The following CDH23 variants were observed in gnomAD, a reference collection of about 807,000 sequenced individuals.
CDH23 encodes cadherin-23.
In CDH23, 189 loss-of-function variants were observed where a neutral mutation model predicts 317.1. The ratio of observed to expected loss-of-function variants is 0.60; its 90% confidence interval spans 0.53 to 0.67. The LOEUF is 0.67. Among genes scored for constraint, CDH23 ranks in the 30% least tolerant of loss-of-function variants. The pLI is 0.00. For synonymous variants in CDH23, 1,839 were observed against 1,876.8 expected, an observed-to-expected ratio of 0.98 and a Z score of 0.52; for missense variants, 4,401 against 4,592.4, an observed-to-expected ratio of 0.96 and a Z score of 1.20.
At chr10:71,590,869 T>C (rs1250801340) in intron 9 of CDH23, among the ~76,000 whole-genome samples, 3 of 102,100 alleles carry the variant, frequency 2.9e-5, no homozygotes, top group Non-Finnish European at 5.7e-5. Context: ...TGAGACCCTG[T>C]CTCTAAAAAA....
chr10:71,613,367 G>A (rs1861015678), intron 9 of CDH23, among the ~76,000 whole-genome samples: 1 of 152,216 alleles, frequency 6.6e-6, no homozygotes, highest in African/African-American at 2.4e-5. Context: ...CCATGGCTGG[G>A]AAAGGAAGCC....
intron 8 of CDH23, among the ~76,000 whole-genome samples, chr10:71,574,720 C>G (rs943665805): frequency 2.6e-5 from 4 of 152,154 alleles, no homozygotes; most frequent in Non-Finnish European, 2.9e-5. Context: ...ACAAGGGCAT[C>G]TTTGGAAGGG....
intron 50 of CDH23, among the ~76,000 whole-genome samples, 183 bp from the exon 51 acceptor site, chr10:71,798,928 A>G (rs888244780): frequency 2.0e-5 from 3 of 152,090 alleles, no homozygotes; most frequent in Non-Finnish European, 2.9e-5. Flanking sequence ...TTCACCCTCC[A>G]TAAGAAAAAC....
chr10:71,777,708 T>C lies in CDH23; in HGVS notation c.4874T>C (p.Val1625Ala), dbSNP rs1564788667. Reference protein sequence around the residue: ...SATTHVYVTIVDENDNAPMFQ... With the variant: ...SATTHVYVTIADENDNAPMFQ... ...ACCACGCACGTGTACGTGACCATTG[T>C]GGATGAGAATGATAACGCGCCCATG... The change falls in exon 39 of 70, where the codon GTG becomes GCG. Residue 1625 changes from valine to alanine, a missense_variant. Physicochemically the swap from Val to Ala is moderately conservative, Grantham distance 64. Transcript: ENST00000224721. The C allele has an allele frequency of 3.7e-6, 6 of 1,613,080 alleles. No homozygotes were observed. The highest frequency in any genetic ancestry group is 5.1e-6 in the Non-Finnish European group (6 of 1,179,536).
At chr10:71,409,978 C>G (rs1384425730) in intron 1 of CDH23, among the ~76,000 whole-genome samples, 2 of 152,206 alleles carry the variant, frequency 1.3e-5, no homozygotes, top group Non-Finnish European at 2.9e-5. Context: ...GGCCCAAACC[C>G]TAAATGAGAG....
At chr10:71,524,535 T>C (rs1436785533) in intron 6 of CDH23, among the ~76,000 whole-genome samples, 2 of 152,156 alleles carry the variant, frequency 1.3e-5, no homozygotes, top group Admixed American at 1.3e-4. Context: ...CGTCATCTAA[T>C]GGGGCTGGAG....
chr10:71,800,646 A>G lies in CDH23; in HGVS notation c.7373A>G (p.Tyr2458Cys), dbSNP rs1429606807. 6.2e-7 allele frequency: 1 copy of G among 1,613,808 alleles called. No individual in the cohort carries two copies. The highest frequency in any genetic ancestry group is 2.2e-5 in the East Asian group (1 of 44,884). ...CCCTCCCCCTACTAGGGTGACATCT[A>G]TGTGCTGTCTTCTCTGGACCGGGAG... ...FAINPTTGDI[Y>C]VLSSLDREKK... The change falls in exon 53 of 70, where the codon TAT (tyrosine) becomes TGT (cysteine). Residue 2458 changes from tyrosine to cysteine, a missense_variant. Transcript: ENST00000224721.
intron 1 of CDH23, among the ~76,000 whole-genome samples, chr10:71,438,838 G>A (rs1350124231): frequency 6.6e-6 from 1 of 152,188 alleles, no homozygotes; most frequent in Non-Finnish European, 1.5e-5. Flanking sequence ...CACGCCCCAG[G>A]CCAGATGCAC....
intron 3 of CDH23, among the ~76,000 whole-genome samples, chr10:71,453,831 G>A (rs550829487): frequency 2.8e-4 from 43 of 152,368 alleles, no homozygotes; most frequent in Admixed American, 5.2e-4. Context: ...GAGGAGTCCA[G>A]TGGCTCCCGG....
Position 71,645,985 on chromosome 10 carries a change from G to C in CDH23, c.1290+5G>C, listed in dbSNP as rs1281025221. ...GTGGACCGCTACGACTTTGATGTAA[G>C]GCCCCACTCACTGGCATTTTGGAGT... On this transcript the variant is annotated splice_donor_5th_base_variant and intron_variant, in intron 13 of 69. Coordinates refer to ENST00000224721, the MANE Select transcript of CDH23 (RefSeq NM_022124.6). 1 of 1,608,924 alleles carries C rather than the reference G, an allele frequency of 6.2e-7. No individual in the cohort carries two copies. The highest frequency in any genetic ancestry group is 8.5e-7 in the Non-Finnish European group (1 of 1,178,288).
chr10:71,400,348 TC>T (rs1376370216), intron 1 of CDH23, among the ~76,000 whole-genome samples: 1 of 151,592 alleles, frequency 6.6e-6, no homozygotes, highest in Non-Finnish European at 1.5e-5. Context: ...AAAGAGGCAG[TC>T]CTTCCCCTAA....
rs2054935741 is a variant in CDH23, at chr10:71,707,032, T to G, written c.3089T>G (p.Leu1030Arg). ...TDNDVGLNAE[L>R]SYFITGGNVD... is the part of the protein sequence containing the mutation. ...AACGACGTGGGCCTCAATGCAGAGC[T>G]CAGCTACTTCATCACAGGTGCTGCC... The change falls in exon 26 of 70, where the codon CTC (leucine) becomes CGC (arginine). Residue 1030 changes from leucine to arginine, a missense_variant. Leu to Arg is a moderately radical substitution (Grantham distance 102, BLOSUM62 -2). This residue lies in a region of CDH23 where 3,068 missense variants were observed against 3,203.3 expected (regional missense o/e 0.96). Coordinates refer to ENST00000224721, the MANE Select transcript of CDH23 (RefSeq NM_022124.6). The G allele has an allele frequency of 6.2e-7, 1 of 1,605,638 alleles. No individual in the cohort carries two copies. Among genetic ancestry groups the G allele is most frequent in the African/African-American group, 1.3e-5 (1 of 74,836 alleles).
chr10:71,756,551 T>C (rs1240882742), intron 38 of CDH23, among the ~76,000 whole-genome samples: 1 of 152,354 alleles, frequency 6.6e-6, no homozygotes, highest in Non-Finnish European at 1.5e-5. Flanking sequence ...ATGTGCATTT[T>C]CTTTTAGGCT....
At chr10:71,580,932 C>G (rs1468328089) in intron 9 of CDH23, among the ~76,000 whole-genome samples, 1 of 152,120 alleles carries the variant, frequency 6.6e-6, no homozygotes, top group African/African-American at 2.4e-5. Context: ...CTAAAGCAGG[C>G]TAATGGGCAG....
In CDH23 at chr10:71,798,654, C is replaced by T. The variant is rs549951370; in HGVS notation, c.7054+76C>T. Reference sequence around the variant, plus strand: ...GCTTAGTCCCCAAGAGAGACCACAGCCCCTCTGTGGCTCCTCAGTGGACTG... The same window carrying T: ...GCTTAGTCCCCAAGAGAGACCACAGTCCCTCTGTGGCTCCTCAGTGGACTG... On this transcript the variant is annotated intron_variant, in intron 50 of 69. Transcript: ENST00000224721. 9.9e-5 allele frequency: 116 copies of T among 1,169,392 alleles called. No individual in the cohort carries two copies. The African/African-American group carries it at 1.6e-3, about 16-fold the overall frequency. 72.4% of individuals were successfully genotyped at this position (1,169,392 alleles called of 1,614,324 possible). A position where few individuals can be genotyped will look rare whatever the true frequency, so the allele number is the denominator to read the frequency against.
intron 38 of CDH23, among the ~76,000 whole-genome samples, chr10:71,777,149 A>G (rs1840832769): frequency 6.6e-6 from 1 of 152,208 alleles, no homozygotes. Context: ...CACAAACCCA[A>G]TGTCCTCCTT....
chr10:71,408,369 A>AAGAG (rs111771075), intron 1 of CDH23, among the ~76,000 whole-genome samples: 8 of 150,150 alleles, frequency 5.3e-5, no homozygotes, highest in South Asian at 2.1e-4. Flanking sequence ...GTGTTAGAAG[A>AAGAG]AGAGAGAGAG....
chr10:71,510,030 A>G (rs897780187), intron 3 of CDH23, 52 bp from the exon 4 acceptor site: 1 of 1,612,216 alleles, frequency 6.2e-7, no homozygotes, highest in Non-Finnish European at 8.5e-7. Context: ...GTAGGAAGGC[A>G]TAAACGTGAC....
chr10:71,544,418 G>T (rs148416126), intron 6 of CDH23, among the ~76,000 whole-genome samples: 1 of 152,202 alleles, frequency 6.6e-6, no homozygotes, highest in African/African-American at 2.4e-5. Context: ...CTCACCAGGG[G>T]GAGGGCAGAG....
Sources: allele counts gnomAD v4.1 joint callset (sites outside exome capture counted in the v4.1 genomes callset), GRCh38; gene constraint gnomAD v4.1.1; regional missense constraint gnomAD v4.1.1; transcripts MANE v1.5; gene names NCBI Gene and HGNC (gene_info 2026-07-23, HGNC 2026-07-21).